The following AHRR variants were observed in gnomAD, a reference collection of about 807,000 sequenced individuals.
AHRR encodes ahR repressor.
A neutral mutation model predicts 44.0 loss-of-function variants in AHRR; 28 were observed. The ratio of observed to expected loss-of-function variants is 0.64; its 90% CI spans 0.47 to 0.87. AHRR has a LOEUF of 0.87. AHRR is among the 40% of genes least tolerant of loss of function. The pLI, the probability that AHRR is intolerant of heterozygous loss-of-function variation, is 0.00. For missense variants in AHRR, 990 were observed against 953.9 expected, an observed-to-expected ratio of 1.04 and a Z score of -0.50; for synonymous variants, 434 against 407.0, an observed-to-expected ratio of 1.07 and a Z score of -0.80.
In AHRR at chr5:370,270, C is replaced by T. The variant is rs1454602492; in HGVS notation, c.245-6340C>T. ...CGCTGGTGCCCCGACCTCCTGGGCCCTCGCTGGAAGCTCTGCTCATTTACT... is the reference window on the plus strand; with the variant it reads ...CGCTGGTGCCCCGACCTCCTGGGCCTTCGCTGGAAGCTCTGCTCATTTACT... On this transcript the variant is annotated intron_variant, in intron 3 of 10. Coordinates refer to ENST00000684583, the MANE Select transcript of AHRR (RefSeq NM_001377236.1). The surrounding 1 kb of genome is among the most constrained non-coding windows in gnomAD (Gnocchi z 4.5). 3.9e-5 allele frequency among the ~76,000 whole-genome samples: 6 copies of T among 152,198 alleles called. No individual in the cohort carries two copies. The highest frequency in any genetic ancestry group is 7.3e-5 in the Non-Finnish European group (5 of 68,038).
At chr5:401,909 A>C (rs1735029039) in intron 4 of AHRR, among the ~76,000 whole-genome samples, 1 of 152,222 alleles carries the variant, frequency 6.6e-6, no homozygotes, top group African/African-American at 2.4e-5. Context: ...AGGAGTATTC[A>C]GCCTTAAAAA....
chr5:415,473 TCGGGTGGGAGGCCTAG>T (rs1735718015), intron 5 of AHRR, among the ~76,000 whole-genome samples: 1 of 109,496 alleles, frequency 9.1e-6, no homozygotes, highest in Non-Finnish European at 1.7e-5. Context: ...GTCTGCCTGG[TCGGGTGGGAGGCCTAG>T]GGGCCGAGTC....
rs576686578 is a variant in AHRR, at chr5:331,639, G to A, written c.-11+9820G>A. 4.6e-5 allele frequency among the ~76,000 whole-genome samples: 7 copies of A among 152,242 alleles called. No individual in the cohort carries two copies. The East Asian group carries it at 1.2e-3, about 25-fold the overall frequency. On this transcript the variant is annotated intron_variant, in intron 1 of 10. Transcript: ENST00000684583. ...GTCCTCAACCCCCAGGCCTCGGACC[G>A]GTACCTGTCCATGGCTCGCTAGGAA...
chr5:421,359 CGTG>C (rs1447663246), intron 5 of AHRR: 2 of 678,306 alleles, frequency 2.9e-6, no homozygotes, highest in Admixed American at 4.2e-5. Context: ...CATCCCTCCA[CGTG>C]GAGTCCGCGC....
At chr5:376,794 C>T (rs949348509) in intron 4 of AHRR, 78 bp downstream of exon 4, 16 of 1,291,524 alleles carry the variant, frequency 1.2e-5, no homozygotes, top group Middle Eastern at 2.0e-4. Flanking sequence ...AGTCATACTC[C>T]GTGTCACGCA....
chr5:392,655 A>T (rs1256263837), intron 4 of AHRR, among the ~76,000 whole-genome samples: 2 of 152,126 alleles, frequency 1.3e-5, no homozygotes, highest in African/African-American at 4.8e-5. Context: ...GCAGTCGCTC[A>T]AAGCAGCAGG....
intron 2 of AHRR, among the ~76,000 whole-genome samples, chr5:346,127 G>C (rs1291352031): frequency 3.3e-5 from 5 of 152,222 alleles, no homozygotes; most frequent in African/African-American, 7.2e-5. Flanking sequence ...GCCCTGCGCT[G>C]CTTGCGAACA....
In AHRR at chr5:353,742, G is replaced by T. The variant is rs370475780; in HGVS notation, c.75G>T (p.Val25=). ...CATCTCCCCACAGGAGGCCCGCCGT[G>T]GGGGCAGAGAAGTCCAACCCCTCCA... is the stretch of plus-strand genomic sequence containing the variant. ...RRPLQKQRPA[V]GAEKSNPSKR... The change falls in exon 3 of 11, where the codon GTG becomes GTT. Residue 25 remains valine (V), a synonymous_variant. Coordinates refer to ENST00000684583, the MANE Select transcript of AHRR (RefSeq NM_001377236.1). 3 of 1,610,340 alleles carry T rather than the reference G, an allele frequency of 1.9e-6. No individual in the cohort carries two copies. Among genetic ancestry groups the T allele is most frequent in the Non-Finnish European group, 2.5e-6 (3 of 1,179,186 alleles).
chr5:424,407 GT>G (rs1395353186), intron 7 of AHRR, among the ~76,000 whole-genome samples: 19 of 124,942 alleles, frequency 1.5e-4, no homozygotes, highest in Middle Eastern at 4.3e-3. Flanking sequence ...GCGAGGGCCG[GT>G]GCTGAGCTCT....
At chr5:420,953 C>T (rs1736078482) in intron 5 of AHRR, 1 of 375,758 alleles carries the variant, frequency 2.7e-6, no homozygotes, top group Non-Finnish European at 5.0e-6. Flanking sequence ...CACAGGCGCA[C>T]ATACGCTGGC....
intron 4 of AHRR, among the ~76,000 whole-genome samples, chr5:409,753 T>A (rs2126507149): frequency 6.6e-6 from 1 of 152,338 alleles, no homozygotes; most frequent in South Asian, 2.1e-4. Flanking sequence ...GTGGCTTATC[T>A]CTTCATTTTT....
chr5:380,069 C>T (rs1048968785), intron 4 of AHRR, among the ~76,000 whole-genome samples: 4 of 152,176 alleles, frequency 2.6e-5, no homozygotes, highest in African/African-American at 4.8e-5. Context: ...GATGTCTCAG[C>T]ACCATGTATT....
intron 1 of AHRR, among the ~76,000 whole-genome samples, chr5:340,698 T>TATTTA (rs1161468329): frequency 4.3e-5 from 2 of 46,188 alleles, no homozygotes; most frequent in African/African-American, 1.7e-4. Context: ...ATTTTTTTTT[T>TATTTA]TTTTTTTTTT....
rs1361050786 is a variant in AHRR at position 429,479 on chromosome 5, CG to C, written c.908+1475del. ...CGCAGGGCAGAGGGGTGGTCTGGGC[CG>C]GCCCTGCCCCTGCCCCCTGGCCCTC... On this transcript the variant is annotated intron_variant, in intron 8 of 10. Coordinates refer to ENST00000684583, the MANE Select transcript of AHRR (RefSeq NM_001377236.1). Among the ~76,000 whole-genome samples, 3 of 143,888 alleles carry C rather than the reference CG, an allele frequency of 2.1e-5. No individual in the cohort carries two copies. The Admixed American group carries it at 2.2e-4, about 10-fold the overall frequency. The allele number at this position is 143,888 out of a possible 152,430, so 94.4% of individuals were successfully genotyped here. A position where few individuals can be genotyped will look rare whatever the true frequency, so the allele number is the denominator to read the frequency against.
rs1310632137 is a variant in AHRR at position 391,393 on chromosome 5, C to T, written c.351+14677C>T. On this transcript the variant is annotated intron_variant, in intron 4 of 10. Transcript: ENST00000684583. ...GTGCATGGGCGCAGGGCGAGGAGGG[C>T]GCAGGGCGAGGCAGGGCCAGAGCGT... Among the ~76,000 whole-genome samples the T allele has an allele frequency of 5.3e-3, 550 of 103,984 alleles. 2 individuals are homozygous for T. The highest frequency in any genetic ancestry group is 0.03 in the African/African-American group (492 of 16,602). The allele number at this position is 103,984 out of a possible 152,430, so 68.2% of individuals were successfully genotyped here.
chr5:336,639 G>C (rs965628081), intron 1 of AHRR, among the ~76,000 whole-genome samples: 1 of 150,532 alleles, frequency 6.6e-6, no homozygotes, highest in African/African-American at 2.5e-5. Context: ...AAAATTTTTA[G>C]TTTTGATGAA....
At chr5:390,329 ACC>A (rs1734358143) in intron 4 of AHRR, among the ~76,000 whole-genome samples, 1 of 152,202 alleles carries the variant, frequency 6.6e-6, no homozygotes, top group African/African-American at 2.4e-5. Context: ...CCTACTGTGT[ACC>A]CACAAGCATT....
chr5:422,764 C>T lies in AHRR; in HGVS notation c.477C>T (p.Ile159=), dbSNP rs1166388902. The part of the protein sequence containing the change: ...DVMHQNIYDY[I]HVDDRQDFCR... ...TGCACCAGAACATTTATGACTACATCCACGTGGACGACCGCCAGGACTTCT... is the reference window on the plus strand; with the variant it reads ...TGCACCAGAACATTTATGACTACATTCACGTGGACGACCGCCAGGACTTCT... The change falls in exon 6 of 11, where the codon ATC becomes ATT. Residue 159 remains isoleucine (I), a synonymous_variant. Transcript: ENST00000684583. 1 of 1,614,050 alleles carries T rather than the reference C, an allele frequency of 6.2e-7. No individual in the cohort carries two copies. The highest frequency in any genetic ancestry group is 8.5e-7 in the Non-Finnish European group (1 of 1,180,044).
At chr5:391,372 A>G (rs1734426774) in intron 4 of AHRR, among the ~76,000 whole-genome samples, 1 of 109,942 alleles carries the variant, frequency 9.1e-6, no homozygotes, top group Non-Finnish European at 1.7e-5. Context: ...CAGAGCGTGC[A>G]TGGGCGCAGG....
Sources: gnomAD v4.1 joint callset for allele counts (sites outside exome capture counted in the v4.1 genomes callset) on GRCh38, gnomAD v4.1.1 for gene constraint, Gnocchi (gnomAD v3.1) non-coding constraint, MANE v1.5 for transcripts, NCBI Gene and HGNC (gene_info 2026-07-23, HGNC 2026-07-21) for gene names.